Variants in FSHR observed in about 807,000 individuals in gnomAD.
The protein encoded by FSHR is follicle-stimulating hormone receptor.
Under a neutral mutation model 52.1 loss-of-function variants are expected in FSHR, and 46 were observed. The observed-to-expected ratio is 0.88, with a 90% CI of 0.70 to 1.13. The LOEUF is 1.13. FSHR is among the 50% of genes most tolerant of loss of function. FSHR has a pLI of 0.00. For missense variants in FSHR, 964 were observed against 834.6 expected, an observed-to-expected ratio of 1.16 and a Z score of -1.91; for synonymous variants, 399 against 309.6, an observed-to-expected ratio of 1.29 and a Z score of -3.03.
intron 2 of FSHR, among the ~76,000 whole-genome samples, chr2:49,045,630 C>T (rs1344516383): frequency 2.0e-5 from 3 of 152,122 alleles, no homozygotes; most frequent in South Asian, 2.1e-4. Flanking sequence ...AATGTTTTGC[C>T]GGGACAGCTT....
At chr2:49,127,339 AAAAG>A (rs1210048923) in intron 1 of FSHR, among the ~76,000 whole-genome samples, 2 of 152,110 alleles carry the variant, frequency 1.3e-5, no homozygotes, top group African/African-American at 4.8e-5. Context: ...GAAAAAAAAA[AAAAG>A]AAAAACAGAA....
Position 48,963,357 on chromosome 2 carries a change from A to G in FSHR, c.1464T>C (p.Ser488=). 1 of 1,614,042 alleles carries G rather than the reference A, an allele frequency of 6.2e-7. No homozygotes were observed. Reference sequence around the variant, plus strand: ...CAAAAATCCAGCCCATCACCATGACACTGGCAGCATGGCGGAGCTGCACCT... The same window carrying G: ...CAAAAATCCAGCCCATCACCATGACGCTGGCAGCATGGCGGAGCTGCACCT... ...DCKVQLRHAA[S]VMVMGWIFAF... Residue 488 remains serine, a synonymous_variant, in exon 10 of 10, where the codon AGT becomes AGC. Transcript: ENST00000406846.
At chr2:48,984,963 C>CA (rs1301743272) in intron 6 of FSHR, among the ~76,000 whole-genome samples, 9 of 151,586 alleles carry the variant, frequency 5.9e-5, no homozygotes, top group African/African-American at 9.7e-5. Context: ...GATCATCACA[C>CA]AAAAAAAACA....
chr2:49,144,364 C>G (rs757208064), intron 1 of FSHR, among the ~76,000 whole-genome samples: 2 of 152,116 alleles, frequency 1.3e-5, no homozygotes, highest in African/African-American at 4.8e-5. Context: ...TTGTAATTTT[C>G]CTATCTGACT....
chr2:48,984,958 T>C (rs1359663834), intron 6 of FSHR, among the ~76,000 whole-genome samples: 1 of 152,174 alleles, frequency 6.6e-6, no homozygotes, highest in Non-Finnish European at 1.5e-5. Context: ...CAGTGGATCA[T>C]CACACAAAAA....
intron 1 of FSHR, among the ~76,000 whole-genome samples, chr2:49,090,464 C>T (rs1670563026): frequency 6.6e-6 from 1 of 152,134 alleles, no homozygotes. Flanking sequence ...CTTTTTGCTG[C>T]TGAGTAGTAT....
intron 2 of FSHR, among the ~76,000 whole-genome samples, chr2:49,028,457 A>G (rs980045346): frequency 2.0e-5 from 3 of 152,230 alleles, no homozygotes; most frequent in African/African-American, 7.2e-5. Flanking sequence ...GGACAAGTCA[A>G]TTAATATGCA....
chr2:48,966,012 C>T (rs1674463442), intron 9 of FSHR, among the ~76,000 whole-genome samples: 1 of 152,106 alleles, frequency 6.6e-6, no homozygotes, highest in South Asian at 2.1e-4. Context: ...TGTCGCAGAG[C>T]CTAAGCTTTG....
chr2:49,102,632 C>T (rs373351668), intron 1 of FSHR, among the ~76,000 whole-genome samples: 26 of 152,056 alleles, frequency 1.7e-4, no homozygotes, highest in African/African-American at 5.5e-4. Context: ...AAGTGATAGT[C>T]TTTAATAGAG....
chr2:49,010,423 A>G (rs1156384549), intron 4 of FSHR, among the ~76,000 whole-genome samples: 3 of 151,988 alleles, frequency 2.0e-5, no homozygotes, highest in Non-Finnish European at 2.9e-5. Flanking sequence ...TGCTGGATTC[A>G]GTTTGCCAGT....
chr2:49,022,842 G>A (rs1250084624), intron 2 of FSHR, among the ~76,000 whole-genome samples: 1 of 152,158 alleles, frequency 6.6e-6, no homozygotes, highest in Non-Finnish European at 1.5e-5. Context: ...TTTCAGAGAT[G>A]AGTCTCTCCT....
chr2:48,989,604 C>CATAATTAAATAAATTATTAAATAATTA (rs1278830359), intron 5 of FSHR, among the ~76,000 whole-genome samples: 1 of 152,128 alleles, frequency 6.6e-6, no homozygotes, highest in Non-Finnish European at 1.5e-5. Context: ...TGAAGGTTTT[C>CATAATTAAATAAATTATTAAATAATTA]TTAAATAATT....
At chr2:49,080,462 C>A (rs1670128226) in intron 1 of FSHR, among the ~76,000 whole-genome samples, 1 of 151,988 alleles carries the variant, frequency 6.6e-6, no homozygotes, top group Non-Finnish European at 1.5e-5. Flanking sequence ...AACATAAATA[C>A]AATTAATGCA....
chr2:49,081,698 G>A (rs1277609570), intron 1 of FSHR, among the ~76,000 whole-genome samples: 3 of 152,060 alleles, frequency 2.0e-5, no homozygotes, highest in Non-Finnish European at 4.4e-5. Flanking sequence ...GTTACTTAAT[G>A]TTTCTTACAT....
intron 1 of FSHR, among the ~76,000 whole-genome samples, chr2:49,116,663 C>T (rs1671610504): frequency 6.6e-6 from 1 of 152,184 alleles, no homozygotes; most frequent in Non-Finnish European, 1.5e-5. Flanking sequence ...TAGCCAATAG[C>T]TTTTTATGTA....
chr2:49,071,530 T>G (rs1443007616), intron 1 of FSHR, among the ~76,000 whole-genome samples: 1 of 152,048 alleles, frequency 6.6e-6, no homozygotes, highest in Non-Finnish European at 1.5e-5. Context: ...GATAAGAAAA[T>G]TTAATCCAGG....
At chr2:48,978,162 A>G (rs1007008348) in intron 8 of FSHR, among the ~76,000 whole-genome samples, 3 of 152,180 alleles carry the variant, frequency 2.0e-5, no homozygotes, top group African/African-American at 4.8e-5. Flanking sequence ...GGAGGGTAGT[A>G]AGAGGCTGAG....
intron 1 of FSHR, among the ~76,000 whole-genome samples, chr2:49,100,051 G>A (rs1670970339): frequency 6.6e-6 from 1 of 152,106 alleles, no homozygotes; most frequent in African/African-American, 2.4e-5. Flanking sequence ...CTTTCGTAGA[G>A]CTTACTCCAT....
At chr2:49,078,823 G>A (rs947685456) in intron 1 of FSHR, among the ~76,000 whole-genome samples, 68 of 152,074 alleles carry the variant, frequency 4.5e-4, no homozygotes, top group African/African-American at 1.6e-3. Context: ...CAATGATGCT[G>A]TTACCTCCTC....
Sources: gnomAD v4.1 joint callset for allele counts (sites outside exome capture counted in the v4.1 genomes callset) on GRCh38, gnomAD v4.1.1 for gene constraint, MANE v1.5 for transcripts, NCBI Gene and HGNC (gene_info 2026-07-23, HGNC 2026-07-21) for gene names.